SCFD2: variants seen among roughly 807,000 people sequenced by gnomAD.
SCFD2 encodes the protein sec1 family domain-containing protein 2.
Under a neutral mutation model 58.9 loss-of-function variants are expected in SCFD2, and 54 were observed. The observed-to-expected ratio is 0.92, with a 90% CI of 0.74 to 1.15. The LOEUF (loss-of-function observed/expected upper bound fraction) is 1.15. Ranked by LOEUF, SCFD2 falls within the 50% of genes most tolerant of loss-of-function variation. The pLI is 0.00. For missense variants in SCFD2, 805 were observed against 836.6 expected (o/e 0.96, Z 0.47); for synonymous variants, 321 against 335.9 (o/e 0.96, Z 0.49).
At chr4:53,318,156 G>A (rs761631905) in intron 2 of SCFD2, among the ~76,000 whole-genome samples, 1 of 152,140 alleles carries the variant, frequency 6.6e-6, no homozygotes, top group Non-Finnish European at 1.5e-5. Context: ...ACAAGTTGAT[G>A]TAAATAATTT....
At chr4:53,330,809 TAA>T (rs748790542) in intron 2 of SCFD2, among the ~76,000 whole-genome samples, 15 of 152,072 alleles carry the variant, frequency 9.9e-5, no homozygotes, top group African/African-American at 3.4e-4. Context: ...GCAAATTGGA[TAA>T]AGAGTCAAGA....
intron 2 of SCFD2, among the ~76,000 whole-genome samples, chr4:53,335,717 A>T (rs991014205): frequency 6.6e-6 from 1 of 152,254 alleles, no homozygotes; most frequent in East Asian, 1.9e-4. Context: ...TTATTAATAA[A>T]TTTTTTATAA....
At chr4:53,349,669 G>T (rs1305214312) in intron 2 of SCFD2, among the ~76,000 whole-genome samples, 3 of 152,232 alleles carry the variant, frequency 2.0e-5, no homozygotes, top group Admixed American at 2.0e-4. Context: ...AATAGAATCA[G>T]TGCTGGGGAG....
intron 5 of SCFD2, among the ~76,000 whole-genome samples, chr4:52,946,462 A>T (rs1422597674): frequency 6.6e-6 from 1 of 152,120 alleles, no homozygotes; most frequent in Non-Finnish European, 1.5e-5. Context: ...TAAAAAAAAA[A>T]TTTGATGAAA....
intron 3 of SCFD2, among the ~76,000 whole-genome samples, chr4:53,289,949 C>T (rs528304258): frequency 9.2e-5 from 14 of 152,194 alleles, no homozygotes; most frequent in South Asian, 4.1e-4. Flanking sequence ...TAAATATATA[C>T]GCACCCAACA....
At chr4:52,943,202 C>T (rs893367448) in intron 5 of SCFD2, among the ~76,000 whole-genome samples, 1 of 151,344 alleles carries the variant, frequency 6.6e-6, no homozygotes, top group Non-Finnish European at 1.5e-5. Flanking sequence ...ATTAAAGAAA[C>T]TGTCAGTAAC....
At chr4:53,114,707 G>C (rs1725271788) in intron 5 of SCFD2, among the ~76,000 whole-genome samples, 1 of 152,062 alleles carries the variant, frequency 6.6e-6, no homozygotes, top group Non-Finnish European at 1.5e-5. Flanking sequence ...TCAGATTGAA[G>C]GGAAATCATA....
intron 5 of SCFD2, among the ~76,000 whole-genome samples, chr4:53,063,475 G>C (rs1723573044): frequency 1.3e-5 from 2 of 152,040 alleles, no homozygotes; most frequent in African/African-American, 4.8e-5. Flanking sequence ...AAGGAGAAAG[G>C]CCTGATTTCA....
At chr4:53,254,486 CT>C (rs796766166) in intron 4 of SCFD2, among the ~76,000 whole-genome samples, 158 of 145,418 alleles carry the variant, frequency 1.1e-3, no homozygotes, top group African/African-American at 1.6e-3. Context: ...TTCTTTTTTT[CT>C]TTTTTTTTTT....
At chr4:52,883,601 T>G (rs1191450330) in intron 8 of SCFD2, among the ~76,000 whole-genome samples, 1 of 152,144 alleles carries the variant, frequency 6.6e-6, no homozygotes, top group East Asian at 1.9e-4. Flanking sequence ...ACGTCTGCAT[T>G]TTATCCTTTT....
intron 2 of SCFD2, among the ~76,000 whole-genome samples, chr4:53,342,815 C>G (rs6820506): frequency 9.2e-5 from 14 of 152,030 alleles, no homozygotes; most frequent in Admixed American, 3.9e-4. Flanking sequence ...CACTCAAAAC[C>G]GCTCAACTAC....
chr4:53,126,096 C>T (rs1263490119), intron 5 of SCFD2, among the ~76,000 whole-genome samples: 1 of 152,118 alleles, frequency 6.6e-6, no homozygotes, highest in Admixed American at 6.5e-5. Context: ...TGAAGTTTCG[C>T]TAAAACTAAG....
intron 3 of SCFD2, among the ~76,000 whole-genome samples, chr4:53,296,769 G>A (rs976339812): frequency 2.6e-5 from 4 of 152,104 alleles, no homozygotes; most frequent in African/African-American, 9.7e-5. Context: ...TCTCTTGTGG[G>A]CATTTAGTGC....
chr4:52,899,937 C>T (rs1052017504), intron 7 of SCFD2, among the ~76,000 whole-genome samples: 9 of 152,216 alleles, frequency 5.9e-5, no homozygotes, highest in Non-Finnish European at 1.0e-4. Context: ...TCCAGTTGAT[C>T]GCATCGGTTA....
rs541344240 is a variant in SCFD2 at position 52,997,492 on chromosome 4, C to T, written c.1562-76622G>A. 7.2e-5 allele frequency among the ~76,000 whole-genome samples: 11 copies of T among 152,324 alleles called. No individual in the cohort carries two copies. The South Asian group carries it at 2.3e-3, about 32-fold the overall frequency. On this transcript the variant is annotated intron_variant, in intron 5 of 8. Coordinates refer to ENST00000401642, the MANE Select transcript of SCFD2 (RefSeq NM_152540.4). ...AAGCCTCCTACTTGTGGGGGGCCCA[C>T]TTTGGAGTAGAACCAGGGGATGGGA...
chr4:53,047,034 A>G (rs1356891671), intron 5 of SCFD2, among the ~76,000 whole-genome samples: 3 of 152,144 alleles, frequency 2.0e-5, no homozygotes, highest in Admixed American at 2.0e-4. Flanking sequence ...TTCTTTTCAT[A>G]TTTCAGTAAT....
At chr4:53,165,972 C>A (rs1264915919) in intron 4 of SCFD2, among the ~76,000 whole-genome samples, 1 of 152,176 alleles carries the variant, frequency 6.6e-6, no homozygotes, top group Non-Finnish European at 1.5e-5. Flanking sequence ...AGTGTACTTT[C>A]TGTCTGTATA....
chr4:53,250,840 G>A (rs1384323962), intron 4 of SCFD2, among the ~76,000 whole-genome samples: 1 of 152,102 alleles, frequency 6.6e-6, no homozygotes, highest in Non-Finnish European at 1.5e-5. Flanking sequence ...AAGAACTAGA[G>A]AAGTAAGAGC....
chr4:53,040,608 T>A (rs1380399726), intron 5 of SCFD2, among the ~76,000 whole-genome samples: 1 of 152,144 alleles, frequency 6.6e-6, no homozygotes, highest in African/African-American at 2.4e-5. Flanking sequence ...GTCTAAAAAT[T>A]TCCGAGGAAT....
Sources: allele counts gnomAD v4.1 joint callset (sites outside exome capture counted in the v4.1 genomes callset), GRCh38; gene constraint gnomAD v4.1.1; transcripts MANE v1.5; gene names NCBI Gene and HGNC (gene_info 2026-07-23, HGNC 2026-07-21).